CPNE4: variants seen among roughly 807,000 people sequenced by gnomAD.
CPNE4 encodes the protein copine-4.
Under a neutral mutation model 67.9 loss-of-function variants are expected in CPNE4, and 25 were observed. That is an observed-to-expected ratio of 0.37 (90% confidence interval 0.27 to 0.51). CPNE4 has a LOEUF of 0.51. Among genes scored for constraint, CPNE4 ranks in the 20% least tolerant of loss-of-function variants. The pLI, the probability that CPNE4 is intolerant of heterozygous loss-of-function variation, is 0.93. For synonymous variants in CPNE4, 242 were observed against 244.9 expected, an observed-to-expected ratio of 0.99 and a Z score of 0.11; for missense variants, 464 against 690.8, an observed-to-expected ratio of 0.67 and a Z score of 3.68.
At chr3:131,536,244 G>A (rs1167641937) in intron 15 of CPNE4, among the ~76,000 whole-genome samples, 1 of 152,142 alleles carries the variant, frequency 6.6e-6, no homozygotes, top group Admixed American at 6.5e-5. Context: ...GCATGATTTT[G>A]GGGTAGGGGC....
At chr3:131,755,455 T>A (rs1238314805) in intron 2 of CPNE4, among the ~76,000 whole-genome samples, 2 of 152,334 alleles carry the variant, frequency 1.3e-5, no homozygotes, top group East Asian at 3.9e-4. Flanking sequence ...ATTTGAAAAC[T>A]GCTACCACTG....
rs61625119 is a variant in CPNE4, at chr3:131,876,641, C to CAAAAAAAA, written c.180+28615_180+28622dup. ...TGGGCGACAGAGCAAGACTCCGTCT[C>CAAAAAAAA]AAAAAAAAAAAAAAAGAAAGAAAGA... On this transcript the variant is annotated intron_variant, in intron 2 of 15. Coordinates refer to ENST00000429747, the MANE Select transcript of CPNE4 (RefSeq NM_130808.3). 9.3e-4 allele frequency among the ~76,000 whole-genome samples: 95 copies of CAAAAAAAA among 101,618 alleles called. 3 individuals carry two copies. The highest frequency in any genetic ancestry group is 3.8e-3 in the African/African-American group (91 of 23,792). The allele number at this position is 101,618 out of a possible 152,430, so 66.7% of individuals were successfully genotyped here. A position where few individuals can be genotyped will look rare whatever the true frequency, so the allele number is the denominator to read the frequency against.
At chr3:131,598,139 T>G (rs1403221398) in intron 7 of CPNE4, among the ~76,000 whole-genome samples, 1 of 152,204 alleles carries the variant, frequency 6.6e-6, no homozygotes, top group South Asian at 2.1e-4. Context: ...CTTTAGGGAT[T>G]GTAGAGGTTG....
chr3:131,871,322 AG>A (rs2087191698), intron 2 of CPNE4, among the ~76,000 whole-genome samples: 2 of 152,086 alleles, frequency 1.3e-5, no homozygotes, highest in South Asian at 4.2e-4. Flanking sequence ...TGCCCTGATA[AG>A]AAGAGTTGCT....
intron 7 of CPNE4, among the ~76,000 whole-genome samples, chr3:131,604,237 C>A (rs186985198): frequency 2.3e-4 from 35 of 152,256 alleles, no homozygotes; most frequent in Admixed American, 2.2e-3. Flanking sequence ...AGATGTTGAT[C>A]TTTCCACTGG....
chr3:132,003,245 T>C (rs186408807), intron 1 of CPNE4, among the ~76,000 whole-genome samples: 1 of 152,234 alleles, frequency 6.6e-6, no homozygotes, highest in East Asian at 1.9e-4. Flanking sequence ...CATGGCTGCC[T>C]CTTTAGCAAA....
chr3:131,577,869 A>G (rs1000504488), intron 9 of CPNE4, among the ~76,000 whole-genome samples: 21 of 152,292 alleles, frequency 1.4e-4, no homozygotes, highest in Middle Eastern at 3.4e-3. Flanking sequence ...TCGGTGGTCC[A>G]TCATTGACAA....
chr3:131,929,779 T>A (rs565142270), intron 1 of CPNE4, among the ~76,000 whole-genome samples: 1 of 151,914 alleles, frequency 6.6e-6, no homozygotes, highest in Non-Finnish European at 1.5e-5. Context: ...CTGTCAGGGG[T>A]TTTTAATCTT....
chr3:131,796,588 T>C (rs947303856), intron 2 of CPNE4, among the ~76,000 whole-genome samples: 16 of 152,204 alleles, frequency 1.1e-4, no homozygotes, highest in African/African-American at 3.6e-4. Flanking sequence ...AATAAGTCAC[T>C]GCCACACATC....
chr3:131,616,639 A>G (rs1940173549), intron 7 of CPNE4, among the ~76,000 whole-genome samples: 1 of 152,202 alleles, frequency 6.6e-6, no homozygotes, highest in African/African-American at 2.4e-5. Flanking sequence ...TCTCTGAGCT[A>G]AGGTTTTCTG....
intron 14 of CPNE4, among the ~76,000 whole-genome samples, chr3:131,547,454 G>T (rs4854652): frequency 0.98 from 77,432 of 79,392 alleles, 37,736 homozygotes; most frequent in Middle Eastern, 1. Context: ...AGACCCTGTC[G>T]CAAAAAAAAA....
At chr3:131,613,883 T>C (rs767225664) in intron 7 of CPNE4, among the ~76,000 whole-genome samples, 66 of 152,294 alleles carry the variant, frequency 4.3e-4, no homozygotes, top group Admixed American at 1.0e-3. Flanking sequence ...ACAAGATATT[T>C]TTTTAAGCCC....
At chr3:131,902,075 T>TTTATTA (rs67648379) in intron 2 of CPNE4, among the ~76,000 whole-genome samples, 1 of 150,848 alleles carries the variant, frequency 6.6e-6, no homozygotes, top group Non-Finnish European at 1.5e-5. Context: ...GCACTTTGGT[T>TTTATTA]TTATTATTAT....
intron 2 of CPNE4, among the ~76,000 whole-genome samples, chr3:131,841,992 C>T (rs955787061): frequency 3.3e-5 from 5 of 152,092 alleles, no homozygotes; most frequent in Admixed American, 1.3e-4. Context: ...TTGAGACCTG[C>T]CCTCTGCCTC....
At chr3:131,546,549 A>C (rs1242570120) in intron 14 of CPNE4, among the ~76,000 whole-genome samples, 2 of 152,164 alleles carry the variant, frequency 1.3e-5, no homozygotes, top group African/African-American at 4.8e-5. Flanking sequence ...ACCTCTGGGG[A>C]AAAGCTTATG....
intron 7 of CPNE4, among the ~76,000 whole-genome samples, chr3:131,627,203 A>AAAAAG (rs1560007567): frequency 3.3e-5 from 5 of 151,486 alleles, no homozygotes; most frequent in African/African-American, 1.2e-4. Flanking sequence ...CAAAAAAAAA[A>AAAAAG]AAAAAAAGAA....
Position 132,020,587 on chromosome 3 carries a change from A to G in CPNE4, c.-2+13980T>C, listed in dbSNP as rs75618890. Among the ~76,000 whole-genome samples the G allele has an allele frequency of 2.6e-3, 390 of 152,260 alleles. 4 individuals carry two copies. Among genetic ancestry groups the G allele is most frequent in the African/African-American group, 8.8e-3 (366 of 41,536 alleles). On this transcript the variant is annotated intron_variant, in intron 1 of 15. Transcript: ENST00000429747. ...ATAAAGCATGAACATTTCTTTCAGG[A>G]TCACATGTTTTACACTTTTTTTCCC...
chr3:132,011,268 G>A (rs910773402), intron 1 of CPNE4, among the ~76,000 whole-genome samples: 22 of 152,166 alleles, frequency 1.4e-4, no homozygotes, highest in African/African-American at 5.3e-4. Context: ...ACAAAAACGA[G>A]TTGGCAGAGA....
chr3:131,970,491 T>C (rs1344822568), intron 1 of CPNE4, among the ~76,000 whole-genome samples: 1 of 152,196 alleles, frequency 6.6e-6, no homozygotes, highest in Non-Finnish European at 1.5e-5. Flanking sequence ...CCAAAGTTTG[T>C]TCTGACATGA....
Sources: gnomAD v4.1 joint callset for allele counts (sites outside exome capture counted in the v4.1 genomes callset) on GRCh38, gnomAD v4.1.1 for gene constraint, MANE v1.5 for transcripts, NCBI Gene and HGNC (gene_info 2026-07-23, HGNC 2026-07-21) for gene names.